SIRT3: variants seen among roughly 807,000 people sequenced by gnomAD.
SIRT3 encodes the protein sirtuin 3.
Under a neutral mutation model 33.5 loss-of-function variants are expected in SIRT3, and 26 were observed. The observed-to-expected ratio is 0.78, with a 90% CI of 0.57 to 1.08. SIRT3 has a LOEUF of 1.08. Ranked by LOEUF, SIRT3 falls within the 50% of genes least tolerant of loss-of-function variation. The probability of loss-of-function intolerance (pLI) is 0.00; values close to 1 mark genes in which losing one functional copy is unlikely to be tolerated. For missense variants in SIRT3, 585 were observed against 530.1 expected (o/e 1.10, Z -1.02); for synonymous variants, 237 against 222.1 (o/e 1.07, Z -0.60).
At chr11:229,811 T>C (rs72878047) in intron 4 of SIRT3, among the ~76,000 whole-genome samples, 1 of 151,966 alleles carries the variant, frequency 6.6e-6, no homozygotes, top group Non-Finnish European at 1.5e-5. Context: ...GCAATACTTG[T>C]AGGTATCATA....
chr11:218,861 G>A lies in SIRT3; in HGVS notation c.1150C>T (p.Arg384Trp), dbSNP rs201069150. ...VELLGWTEEM[R>W]DLVQRETGKL... ...CCAGTTTCCCGCTGCACAAGGTCCC[G>A]CATCTCTTCTGTCCAGCCCAGAAGC... is the stretch of plus-strand genomic sequence containing the variant. Residue 384 changes from arginine (R) to tryptophan (W), a missense_variant, in exon 6 of 7, where the codon CGG (arginine) becomes TGG (tryptophan). Physicochemically the swap from Arg to Trp is moderately radical, Grantham distance 101. Transcript: ENST00000382743. The A allele has an allele frequency of 6.1e-5, 99 of 1,613,982 alleles. No individual in the cohort carries two copies. The highest frequency in any genetic ancestry group is 6.4e-5 in the Non-Finnish European group (76 of 1,180,022).
chr11:236,499 C>T (rs1408729168), upstream of SIRT3: 1 of 239,460 alleles, frequency 4.2e-6, no homozygotes, highest in Non-Finnish European at 6.7e-6. Context: ...TTGCCGACGC[C>T]TCCGGCGCGC....
At position 223,697 on chromosome 11, in the gene SIRT3, T is replaced by A; in HGVS notation, c.969+381A>T. On this transcript the variant is annotated intron_variant, in intron 5 of 6. Coordinates refer to ENST00000382743, the MANE Select transcript of SIRT3 (RefSeq NM_012239.6). The surrounding 1 kb of genome is among the most constrained non-coding windows in gnomAD (Gnocchi z 4.8). ...CTCCAAAGCCCAGCAGCTTCCCACC[T>A]TCCTGTCTCCTGCACAGGCTGCTGC... The A allele has an allele frequency of 4.9e-6, 3 of 617,396 alleles. No individual in the cohort carries two copies. Among genetic ancestry groups the A allele is most frequent in the Non-Finnish European group, 5.9e-6 (2 of 338,724 alleles). 38.2% of individuals were successfully genotyped at this position (617,396 alleles called of 1,614,324 possible).
At chr11:221,753 G>C (rs1590123642) in intron 5 of SIRT3, among the ~76,000 whole-genome samples, 1 of 152,220 alleles carries the variant, frequency 6.6e-6, no homozygotes, top group Non-Finnish European at 1.5e-5. Flanking sequence ...TCATATCCGT[G>C]TAAGGGAAAC....
intron 4 of SIRT3, 61 bp from the exon 5 acceptor site, chr11:224,300 G>A: frequency 6.5e-7 from 1 of 1,538,490 alleles, no homozygotes; most frequent in South Asian, 1.2e-5. Context: ...AAAGGAAAAG[G>A]CAACAAGTTC....
In SIRT3 at chr11:216,342, G is replaced by C. The variant is rs201175559; in HGVS notation, c.*356C>G. 1 of 255,018 alleles carries C rather than the reference G, an allele frequency of 3.9e-6. No homozygotes were observed. Among genetic ancestry groups the C allele is most frequent in the Non-Finnish European group, 7.5e-6 (1 of 132,658 alleles). The allele number at this position is 255,018 out of a possible 1,614,324, so 15.8% of individuals were successfully genotyped here. A position where few individuals can be genotyped will look rare whatever the true frequency, so the allele number is the denominator to read the frequency against. On this transcript the variant is annotated 3_prime_UTR_variant, in exon 7 of 7. Transcript: ENST00000382743. ...AGATGCCGAGCTTGCCGTTCAACTAGGCACAGAAAGCAGACTCGGTCTGGG... is the reference window on the plus strand; with the variant it reads ...AGATGCCGAGCTTGCCGTTCAACTACGCACAGAAAGCAGACTCGGTCTGGG...
In SIRT3 at chr11:236,270, T is replaced by C. The variant is rs753865318; in HGVS notation, c.59A>G (p.Glu20Gly). 1 of 1,541,754 alleles carries C rather than the reference T, an allele frequency of 6.5e-7. No individual in the cohort carries two copies. The highest frequency in any genetic ancestry group is 1.2e-5 in the South Asian group (1 of 84,310). ...CACGCCTCCCCCGGCCTCGACCCGT[T>C]CAACTACCCGGCCCCACAGCCGGAG... The part of the protein sequence containing the change: ...AALRLWGRVV[E>G]RVEAGGGVGP... Residue 20 changes from glutamate (E) to glycine (G), a missense_variant, in exon 1 of 7, where the codon GAA becomes GGA. Transcript: ENST00000382743.
intron 1 of SIRT3, 77 bp downstream of exon 1, chr11:235,971 A>C (rs775844454): frequency 9.4e-6 from 13 of 1,387,906 alleles, no homozygotes; most frequent in Non-Finnish European, 1.2e-5. Flanking sequence ...CCGCAAAGGA[A>C]ACACGGCAAG....
In SIRT3 at chr11:219,983, C is replaced by T. The variant is rs78217432; in HGVS notation, c.970-942G>A. Among the ~76,000 whole-genome samples, 1,488 of 152,118 alleles carry T rather than the reference C, an allele frequency of 9.8e-3. 26 individuals carry two copies. The highest frequency in any genetic ancestry group is 0.034 in the African/African-American group (1,417 of 41,484). On this transcript the variant is annotated intron_variant, in intron 5 of 6. Coordinates refer to ENST00000382743, the MANE Select transcript of SIRT3 (RefSeq NM_012239.6). ...AGTTTATATTGCTAATTGATAAACT[C>T]ATTTATAAACATATAATTTATGAAC...
intron 4 of SIRT3, among the ~76,000 whole-genome samples, chr11:227,296 G>T (rs1367734608): frequency 6.6e-6 from 1 of 151,362 alleles, no homozygotes; most frequent in Non-Finnish European, 1.5e-5. Flanking sequence ...AAATTAGCTG[G>T]GCATGGTGGC....
At chr11:230,575 G>C in intron 3 of SIRT3, 23 bp from the exon 4 acceptor site, 1 of 1,470,772 alleles carries the variant, frequency 6.8e-7, no homozygotes, top group Non-Finnish European at 9.0e-7. Flanking sequence ...CCAAAGCGAA[G>C]TGTTGCTGCC....
At position 222,251 on chromosome 11, in the gene SIRT3, C is replaced by T. The variant is rs138498501; in HGVS notation, c.969+1827G>A. 2.6e-4 allele frequency: 40 copies of T among 154,112 alleles called. 1 individual carries two copies. In the East Asian group the frequency reaches 5.8e-3, roughly 22 times the overall value. The allele number at this position is 154,112 out of a possible 1,614,324, so 9.5% of individuals were successfully genotyped here. A position where few individuals can be genotyped will look rare whatever the true frequency, so the allele number is the denominator to read the frequency against. Reference sequence around the variant, plus strand: ...CTCCTGTCTGCTCACTCCAGCACCCCAGCTCCTGCCTCTGGGCCTTCCTGG... The same window carrying T: ...CTCCTGTCTGCTCACTCCAGCACCCTAGCTCCTGCCTCTGGGCCTTCCTGG... On this transcript the variant is annotated intron_variant, in intron 5 of 6. Transcript: ENST00000382743.
At position 216,545 on chromosome 11, in the gene SIRT3, T is replaced by C. The variant is rs1189659786; in HGVS notation, c.*153A>G. Reference sequence around the variant, plus strand: ...CTACCAGTCACTGCAGCTCATGGCCTGAGAAGACATTCCAGTGGCAGCCTC... The same window carrying C: ...CTACCAGTCACTGCAGCTCATGGCCCGAGAAGACATTCCAGTGGCAGCCTC... On this transcript the variant is annotated 3_prime_UTR_variant, in exon 7 of 7. Coordinates refer to ENST00000382743, the MANE Select transcript of SIRT3 (RefSeq NM_012239.6). 2 of 807,790 alleles carry C rather than the reference T, an allele frequency of 2.5e-6. No homozygotes were observed. The highest frequency in any genetic ancestry group is 4.2e-6 in the Non-Finnish European group (2 of 475,302). The allele number at this position is 807,790 out of a possible 1,614,324, so 50.0% of individuals were successfully genotyped here.
At position 216,056 on chromosome 11, in the gene SIRT3, G is replaced by A. The variant is rs12226697; in HGVS notation, c.*642C>T. On this transcript the variant is annotated 3_prime_UTR_variant, in exon 7 of 7. Transcript: ENST00000382743. ...GTCTCCAATAAATCCAGGGACAAAT[G>A]CCTTCAGTCCTCAGACTGTTCCAAT... is the stretch of plus-strand genomic sequence containing the variant. The A allele has an allele frequency of 0.049, 7,489 of 152,738 alleles. 230 individuals are homozygous for A. The highest frequency in any genetic ancestry group is 0.14 in the East Asian group (742 of 5,182). 9.5% of individuals were successfully genotyped at this position (152,738 alleles called of 1,614,324 possible). A position where few individuals can be genotyped will look rare whatever the true frequency, so the allele number is the denominator to read the frequency against.
At chr11:220,176 A>G (rs1856234904) in intron 5 of SIRT3, among the ~76,000 whole-genome samples, 1 of 151,984 alleles carries the variant, frequency 6.6e-6, no homozygotes, top group Non-Finnish European at 1.5e-5. Context: ...CTAAAAATAC[A>G]AAACTTAGCT....
intron 1 of SIRT3, among the ~76,000 whole-genome samples, chr11:235,022 C>G (rs1428206867): frequency 6.6e-6 from 1 of 151,908 alleles, no homozygotes; most frequent in Non-Finnish European, 1.5e-5. Flanking sequence ...GGATTACAGG[C>G]GCCCGCCACC....
intron 3 of SIRT3, among the ~76,000 whole-genome samples, chr11:232,681 A>C (rs1858236402): frequency 6.6e-6 from 1 of 152,172 alleles, no homozygotes; most frequent in African/African-American, 2.4e-5. Flanking sequence ...AAAAGAGATC[A>C]TCACACCAGA....
rs138884008 is a variant in SIRT3, at chr11:223,388, G to A, written c.969+690C>T. The A allele has an allele frequency of 6.7e-4, 153 of 227,730 alleles. No homozygotes were observed. The highest frequency in any genetic ancestry group is 2.8e-3 in the African/African-American group (125 of 44,658). The allele number at this position is 227,730 out of a possible 1,614,324, so 14.1% of individuals were successfully genotyped here. On this transcript the variant is annotated intron_variant, in intron 5 of 6. Transcript: ENST00000382743. The surrounding 1 kb of genome is among the most constrained non-coding windows in gnomAD (Gnocchi z 4.8). ...ACGTCCCCAAAACATCACAGACTGC[G>A]AGTCCAGTCCCCCTCCTCGCCATCC...
At chr11:234,475 C>T (rs571689869) in intron 1 of SIRT3, among the ~76,000 whole-genome samples, 98 of 152,050 alleles carry the variant, frequency 6.4e-4, no homozygotes, top group African/African-American at 2.2e-3. Context: ...AGTGCAGTGT[C>T]GCGATCTCGG....
Sources: gnomAD v4.1 joint callset for allele counts (sites outside exome capture counted in the v4.1 genomes callset) on GRCh38, gnomAD v4.1.1 for gene constraint, Gnocchi (gnomAD v3.1) non-coding constraint, MANE v1.5 for transcripts, NCBI Gene and HGNC (gene_info 2026-07-23, HGNC 2026-07-21) for gene names.